NXPE4: variants seen among roughly 807,000 people sequenced by gnomAD.
The protein encoded by NXPE4 is neurexophilin and PC-esterase domain family member 4, also known as NXPE family member 4.
NXPE4 carries 42 observed loss-of-function variants against 33.3 expected under a neutral mutation model. The ratio of observed to expected loss-of-function variants is 1.26; its 90% CI spans 0.98 to 1.63. NXPE4 has a LOEUF of 1.63. Ranked by LOEUF, NXPE4 falls within the 40% of genes most tolerant of loss-of-function variation. The pLI is 0.00. For missense variants in NXPE4, 709 were observed against 647.6 expected, an observed-to-expected ratio of 1.09 and a Z score of -1.03; for synonymous variants, 253 against 234.9, an observed-to-expected ratio of 1.08 and a Z score of -0.71.
the NXPE4 span, among the ~76,000 whole-genome samples, chr11:114,600,918 A>G: frequency 6.6e-6 from 1 of 152,026 alleles, no homozygotes; most frequent in Non-Finnish European, 1.5e-5. Flanking sequence ...AAATGGGAAA[A>G]TATAATATAG....
chr11:114,582,997 T>C lies in NXPE4; in HGVS notation c.121A>G (p.Ile41Val). The C allele has an allele frequency of 2.5e-6, 4 of 1,612,624 alleles. No homozygotes were observed. Among genetic ancestry groups the C allele is most frequent in the Non-Finnish European group, 3.4e-6 (4 of 1,179,608 alleles). Residue 41 changes from isoleucine to valine, a missense_variant, in exon 3 of 6, where the codon ATC becomes GTC. Ile to Val is a conservative substitution (Grantham distance 29). Coordinates refer to ENST00000375478, the MANE Select transcript of NXPE4 (RefSeq NM_001077639.2). The stretch of plus-strand genomic sequence containing the variant: ...GAGTTGTTCCAGTAATGGAGGGAGA[T>C]GGATAAGTTTAGAGCAGACCAAACC... ...TKVWSALNLS[I>V]SLHYWNNSTK...
At chr11:114,641,374 A>G in the NXPE4 span, among the ~76,000 whole-genome samples, 1 of 152,096 alleles carries the variant, frequency 6.6e-6, no homozygotes, top group Non-Finnish European at 1.5e-5. Flanking sequence ...TAGACTACAT[A>G]CTGAGTCACA....
chr11:114,672,616 T>C, the NXPE4 span, among the ~76,000 whole-genome samples: 22 of 151,496 alleles, frequency 1.5e-4, no homozygotes, highest in Non-Finnish European at 2.7e-4. Context: ...AGTTTGAAAG[T>C]AAAAGGATGG....
intron 5 of NXPE4, 116 bp downstream of exon 5, chr11:114,580,016 G>T: frequency 2.3e-6 from 2 of 860,122 alleles, no homozygotes; most frequent in Non-Finnish European, 3.8e-6. Context: ...AAATTTTGGT[G>T]TGTTGTGATT....
the NXPE4 span, among the ~76,000 whole-genome samples, chr11:114,635,280 T>C: frequency 1.3e-5 from 2 of 150,092 alleles, no homozygotes; most frequent in African/African-American, 4.9e-5. Flanking sequence ...GTTGTTGGTG[T>C]ATAAGAATGG....
the NXPE4 span, among the ~76,000 whole-genome samples, chr11:114,662,009 C>T: frequency 1.3e-5 from 2 of 152,258 alleles, no homozygotes; most frequent in African/African-American, 2.4e-5. Flanking sequence ...CCACCAATCA[C>T]CACCCTCTCC....
intron 5 of NXPE4, among the ~76,000 whole-genome samples, chr11:114,573,217 GA>G (rs1246442942): frequency 6.6e-6 from 1 of 152,088 alleles, no homozygotes; most frequent in African/African-American, 2.4e-5. Flanking sequence ...TCTAAATCTT[GA>G]AGCAAGTTAT....
chr11:114,600,579 G>A (rs1433069424), upstream of NXPE4, among the ~76,000 whole-genome samples: 1 of 152,032 alleles, frequency 6.6e-6, no homozygotes, highest in African/African-American at 2.4e-5. Flanking sequence ...TTTCTAAAGT[G>A]TCACAATCAT....
chr11:114,643,434 T>A, the NXPE4 span, among the ~76,000 whole-genome samples: 18 of 152,128 alleles, frequency 1.2e-4, no homozygotes, highest in African/African-American at 2.4e-5. Context: ...ACTTTTTGTA[T>A]AAGGTGTAAG....
At chr11:114,653,894 G>C in the NXPE4 span, among the ~76,000 whole-genome samples, 1 of 152,050 alleles carries the variant, frequency 6.6e-6, no homozygotes, top group South Asian at 2.1e-4. Context: ...GCAAGGAGCA[G>C]CAATCTACAT....
intron 4 of NXPE4, 27 bp downstream of exon 4, chr11:114,581,698 C>A (rs1280404289): frequency 6.3e-7 from 1 of 1,586,120 alleles, no homozygotes; most frequent in South Asian, 1.1e-5. Context: ...GAACTAGGCA[C>A]CACCCACCAA....
At position 114,582,300 on chromosome 11, in the gene NXPE4, C is replaced by A; in HGVS notation, c.818G>T (p.Ser273Ile). The change falls in exon 3 of 6, where the codon AGC becomes ATC. Residue 273 changes from serine to isoleucine, a missense_variant. Transcript: ENST00000375478. Reference protein sequence around the residue: ...KVSYLSKQEKSLFERSNVGVE... With the variant: ...KVSYLSKQEKILFERSNVGVE... ...TAATTATTTTTACCTTTCAAAGAGGCTCTTTTCTTGTTTGCTAAGATAAGA... is the reference window on the plus strand; with the variant it reads ...TAATTATTTTTACCTTTCAAAGAGGATCTTTTCTTGTTTGCTAAGATAAGA... The A allele has an allele frequency of 6.4e-7, 1 of 1,574,396 alleles. No individual in the cohort carries two copies. The highest frequency in any genetic ancestry group is 1.4e-5 in the African/African-American group (1 of 73,190).
At chr11:114,648,673 T>C in the NXPE4 span, among the ~76,000 whole-genome samples, 1 of 152,160 alleles carries the variant, frequency 6.6e-6, no homozygotes, top group Non-Finnish European at 1.5e-5. Context: ...TCATACTTAA[T>C]CTCCAAATGA....
the NXPE4 span, among the ~76,000 whole-genome samples, chr11:114,646,074 A>G: frequency 1.4e-4 from 21 of 152,238 alleles, no homozygotes; most frequent in East Asian, 4.0e-3. Flanking sequence ...AATAATGACA[A>G]CTTGTGACTT....
At chr11:114,676,907 T>G in the NXPE4 span, among the ~76,000 whole-genome samples, 5 of 152,096 alleles carry the variant, frequency 3.3e-5, no homozygotes, top group South Asian at 6.2e-4. Context: ...TATATACACA[T>G]AAACAGTTGG....
chr11:114,585,033 C>T (rs1949257891), intron 2 of NXPE4, among the ~76,000 whole-genome samples: 1 of 152,084 alleles, frequency 6.6e-6, no homozygotes, highest in Non-Finnish European at 1.5e-5. Context: ...GCCTTTATTG[C>T]ACCTTCTAAA....
At chr11:114,649,910 C>T in the NXPE4 span, among the ~76,000 whole-genome samples, 1 of 152,038 alleles carries the variant, frequency 6.6e-6, no homozygotes, top group African/African-American at 2.4e-5. Context: ...TTGGTAAATG[C>T]GTGCAGTTTG....
chr11:114,649,948 T>C, the NXPE4 span, among the ~76,000 whole-genome samples: 1 of 152,200 alleles, frequency 6.6e-6, no homozygotes, highest in Admixed American at 6.5e-5. Context: ...ACATTTGAAA[T>C]GGATGAATTA....
At chr11:114,615,277 T>G in the NXPE4 span, among the ~76,000 whole-genome samples, 1 of 150,856 alleles carries the variant, frequency 6.6e-6, no homozygotes, top group African/African-American at 2.4e-5. Flanking sequence ...CTTGTGGGTA[T>G]CCACTGTTAC....
Sources: allele counts gnomAD v4.1 joint callset (sites outside exome capture counted in the v4.1 genomes callset), GRCh38; gene constraint gnomAD v4.1.1; transcripts MANE v1.5; gene names NCBI Gene and HGNC (gene_info 2026-07-23, HGNC 2026-07-21).